Variants in USP7 observed in about 807,000 individuals in gnomAD.
USP7 encodes ubiquitin C-terminal hydrolase 7.
Under a neutral mutation model 162.9 loss-of-function variants are expected in USP7, and 9 were observed. That is an observed-to-expected ratio of 0.06 (90% CI 0.03 to 0.10). USP7 has a LOEUF of 0.10. USP7 is among the 10% of genes least tolerant of loss of function. The pLI is 1.00. For synonymous variants in USP7, 562 were observed against 475.9 expected (o/e 1.18, Z -2.35); for missense variants, 715 against 1,373.7 (o/e 0.52, Z 7.58).
At chr16:8,921,132 T>A (rs776590932) in intron 4 of USP7, 25 bp downstream of exon 4, 1 of 1,610,390 alleles carries the variant, frequency 6.2e-7, no homozygotes, top group Non-Finnish European at 8.5e-7. Flanking sequence ...CACCAATTGT[T>A]CAGACTAAAT....
chr16:8,954,914 C>T (rs1187587985), intron 1 of USP7, among the ~76,000 whole-genome samples: 3 of 152,078 alleles, frequency 2.0e-5, no homozygotes, highest in Admixed American at 6.6e-5. Context: ...GAGCCAAGAT[C>T]GTGCCACTGC....
chr16:8,959,441 C>G (rs369921676), intron 1 of USP7, among the ~76,000 whole-genome samples: 2 of 151,584 alleles, frequency 1.3e-5, no homozygotes, highest in East Asian at 1.9e-4. Flanking sequence ...ATGAGGATAT[C>G]AGCAGCCTGA....
intron 1 of USP7, among the ~76,000 whole-genome samples, chr16:8,935,131 A>C (rs1669916925): frequency 6.6e-6 from 1 of 152,028 alleles, no homozygotes; most frequent in African/African-American, 2.4e-5. Context: ...ACCAAGTTTT[A>C]TATGCCACCT....
At chr16:8,943,981 T>G (rs1462958669) in intron 1 of USP7, among the ~76,000 whole-genome samples, 1 of 152,094 alleles carries the variant, frequency 6.6e-6, no homozygotes. Flanking sequence ...AACTATAAGG[T>G]GCGGGGGAGG....
At position 8,920,339 on chromosome 16, in the gene USP7, C is replaced by T; in HGVS notation, c.611+20G>A. Reference sequence around the variant, plus strand: ...GCACAAAAGACATTTTTAACAGCACCTGATTAAAGAAAAACTTACGCAACT... The same window carrying T: ...GCACAAAAGACATTTTTAACAGCACTTGATTAAAGAAAAACTTACGCAACT... On this transcript the variant is annotated intron_variant, in intron 5 of 30. Transcript: ENST00000344836. The T allele has an allele frequency of 6.3e-7, 1 of 1,597,048 alleles. No homozygotes were observed. The highest frequency in any genetic ancestry group is 8.5e-7 in the Non-Finnish European group (1 of 1,172,778).
intron 2 of USP7, among the ~76,000 whole-genome samples, chr16:8,927,329 A>C (rs1022476704): frequency 6.6e-6 from 1 of 152,090 alleles, no homozygotes; most frequent in African/African-American, 2.4e-5. Context: ...AGAAAAAAAA[A>C]AAGAAAGAAA....
intron 29 of USP7, 36 bp downstream of exon 29, chr16:8,894,748 G>A (rs762884868): frequency 6.2e-7 from 1 of 1,614,060 alleles, no homozygotes. Context: ...TTGAGCCTAT[G>A]GCCCGCCAAG....
chr16:8,919,704 G>A (rs1158107975), intron 5 of USP7, among the ~76,000 whole-genome samples: 3 of 148,682 alleles, frequency 2.0e-5, no homozygotes, highest in Non-Finnish European at 4.5e-5. Context: ...GTAGTAAAAG[G>A]AAGCCACAGA....
rs1275084886 is a variant in USP7 at position 8,893,458 on chromosome 16, G to C, written c.*540C>G. ...AAAAAGCCCCCAGGCAGCTGGAGGAGGAGAACCCGAGGAAGGGCCGACAAT... is the reference window on the plus strand; with the variant it reads ...AAAAAGCCCCCAGGCAGCTGGAGGACGAGAACCCGAGGAAGGGCCGACAAT... On this transcript the variant is annotated 3_prime_UTR_variant, in exon 31 of 31. Coordinates refer to ENST00000344836, the MANE Select transcript of USP7 (RefSeq NM_003470.3). The C allele has an allele frequency of 6.5e-6, 1 of 154,278 alleles. No homozygotes were observed. Among genetic ancestry groups the C allele is most frequent in the Admixed American group, 6.3e-5 (1 of 15,772 alleles). 9.6% of individuals were successfully genotyped at this position (154,278 alleles called of 1,614,324 possible).
intron 1 of USP7, among the ~76,000 whole-genome samples, chr16:8,952,882 G>A (rs1055880307): frequency 6.6e-6 from 1 of 151,646 alleles, no homozygotes; most frequent in African/African-American, 2.4e-5. Context: ...TGTCGCCCAG[G>A]CTAGAGTGCA....
At chr16:8,926,393 C>T (rs1051957644) in intron 2 of USP7, among the ~76,000 whole-genome samples, 4 of 151,880 alleles carry the variant, frequency 2.6e-5, no homozygotes, top group Non-Finnish European at 4.4e-5. Flanking sequence ...GCAGGAGAAT[C>T]GCTTGAACCT....
intron 7 of USP7, 87 bp from the exon 8 acceptor site, chr16:8,916,643 G>A: frequency 1.6e-6 from 2 of 1,270,444 alleles, no homozygotes; most frequent in African/African-American, 3.0e-5. Flanking sequence ...AACCTAAACT[G>A]GATAATCAGC....
chr16:8,957,528 G>A (rs1183095473), intron 1 of USP7, among the ~76,000 whole-genome samples: 1 of 151,290 alleles, frequency 6.6e-6, no homozygotes, highest in Non-Finnish European at 1.5e-5. Flanking sequence ...AGGATTGCTT[G>A]AGACCAGGAA....
Position 8,893,900 on chromosome 16 carries a change from T to G in USP7, c.*98A>C. On this transcript the variant is annotated 3_prime_UTR_variant, in exon 31 of 31. Transcript: ENST00000344836. ...AATTAACACCAGCAGCGAATCCTCT[T>G]GCTGAAGACTTCGGCTAGAGGGCAC... is the stretch of plus-strand genomic sequence containing the variant. 1 of 1,048,834 alleles carries G rather than the reference T, an allele frequency of 9.5e-7. No individual in the cohort carries two copies. Among genetic ancestry groups the G allele is most frequent in the Middle Eastern group, 2.0e-4 (1 of 4,892 alleles). 65.0% of individuals were successfully genotyped at this position (1,048,834 alleles called of 1,614,324 possible). A position where few individuals can be genotyped will look rare whatever the true frequency, so the allele number is the denominator to read the frequency against.
intron 2 of USP7, among the ~76,000 whole-genome samples, chr16:8,925,851 G>C (rs886616649): frequency 1.6e-4 from 25 of 152,284 alleles, no homozygotes; most frequent in African/African-American, 6.0e-4. Context: ...CATACTAGCA[G>C]AATAATTGAA....
At chr16:8,944,925 T>C (rs1440757047) in intron 1 of USP7, among the ~76,000 whole-genome samples, 1 of 152,030 alleles carries the variant, frequency 6.6e-6, no homozygotes, top group Admixed American at 6.5e-5. Context: ...CTGGCCAATA[T>C]GGCGAAACCT....
At chr16:8,897,315 G>A (rs2061698209) in intron 25 of USP7, 1 of 509,768 alleles carries the variant, frequency 2.0e-6, no homozygotes, top group Non-Finnish European at 3.5e-6. Flanking sequence ...CTGACGGGAG[G>A]TTAACAAAAG....
chr16:8,944,935 T>C (rs1478957715), intron 1 of USP7, among the ~76,000 whole-genome samples: 9 of 151,826 alleles, frequency 5.9e-5, no homozygotes, highest in Admixed American at 5.9e-4. Context: ...TGGCGAAACC[T>C]CGCCTCTACT....
At position 8,894,704 on chromosome 16, in the gene USP7, G is replaced by A. The variant is rs2061655357; in HGVS notation, c.3112-64C>T. 30 of 1,611,138 alleles carry A rather than the reference G, an allele frequency of 1.9e-5. No homozygotes were observed. The South Asian group carries it at 3.2e-4, about 17-fold the overall frequency. On this transcript the variant is annotated intron_variant, in intron 29 of 30. Transcript: ENST00000344836. ...TATATCAGCAAAACTCACATCTCTG[G>A]CAAAAAAGCCTAGGCCGCTACGCTA... is the stretch of plus-strand genomic sequence containing the variant.
Sources: gnomAD v4.1 joint callset for allele counts (sites outside exome capture counted in the v4.1 genomes callset) on GRCh38, gnomAD v4.1.1 for gene constraint, MANE v1.5 for transcripts, NCBI Gene and HGNC (gene_info 2026-07-23, HGNC 2026-07-21) for gene names.